The following TMEM63C variants were observed in gnomAD, a reference collection of about 807,000 sequenced individuals.
The protein encoded by TMEM63C is osmosensitive cation channel TMEM63C.
A neutral mutation model predicts 99.2 loss-of-function variants in TMEM63C; 32 were observed. The ratio of observed to expected loss-of-function variants is 0.32; its 90% CI spans 0.24 to 0.43. TMEM63C has a LOEUF of 0.43. Among genes scored for constraint, TMEM63C ranks in the 20% least tolerant of loss-of-function variants. The pLI is 1.00. For synonymous variants in TMEM63C, 376 were observed against 397.9 expected, an observed-to-expected ratio of 0.94 and a Z score of 0.66; for missense variants, 826 against 1,053.0, an observed-to-expected ratio of 0.78 and a Z score of 2.98.
intron 21 of TMEM63C, among the ~76,000 whole-genome samples, chr14:77,250,060 T>C (rs1190015469): frequency 6.6e-6 from 1 of 152,138 alleles, no homozygotes; most frequent in Non-Finnish European, 1.5e-5. Context: ...GTCTGGAATT[T>C]CTGGGCTAAA....
intron 1 of TMEM63C, among the ~76,000 whole-genome samples, chr14:77,200,323 C>T (rs922807350): frequency 3.3e-5 from 5 of 152,220 alleles, no homozygotes; most frequent in African/African-American, 7.2e-5. Flanking sequence ...GGATCCACCA[C>T]GAGTCATGGA....
intron 23 of TMEM63C, 113 bp downstream of exon 23, chr14:77,253,489 G>A (rs1889408095): frequency 4.6e-6 from 5 of 1,085,106 alleles, no homozygotes; most frequent in Non-Finnish European, 6.8e-6. Context: ...TATGGGGAAG[G>A]AGATGGGGGA....
chr14:77,251,987 C>T (rs887399074), intron 22 of TMEM63C, 89 bp downstream of exon 22: 5 of 1,064,514 alleles, frequency 4.7e-6, no homozygotes, highest in Non-Finnish European at 7.3e-6. Context: ...GCTCCCATAG[C>T]ACCACAGGAT....
chr14:77,213,661 C>G (rs552515214), intron 2 of TMEM63C, 153 bp downstream of exon 2: 1 of 152,406 alleles, frequency 6.6e-6, no homozygotes, highest in South Asian at 2.1e-4. Flanking sequence ...AGCTCAGATG[C>G]CAGCTCCTTC....
intron 13 of TMEM63C, among the ~76,000 whole-genome samples, chr14:77,241,566 A>G (rs780974761): frequency 2.1e-4 from 32 of 152,116 alleles, no homozygotes; most frequent in Non-Finnish European, 2.9e-4. Context: ...ACCTACCCCA[A>G]CCCTACAAAG....
At chr14:77,232,445 A>G (rs386266) in intron 7 of TMEM63C, among the ~76,000 whole-genome samples, 9,782 of 151,782 alleles carry the variant, frequency 0.064, 405 homozygotes, top group Admixed American at 0.1. Context: ...CCGCCTCCAC[A>G]CCCGGCTAAT....
intron 1 of TMEM63C, among the ~76,000 whole-genome samples, chr14:77,209,022 C>T (rs779630488): frequency 3.3e-5 from 5 of 152,060 alleles, no homozygotes; most frequent in Non-Finnish European, 5.9e-5. Context: ...AGCGGAGGGA[C>T]GTTTGGGGAC....
intron 1 of TMEM63C, among the ~76,000 whole-genome samples, chr14:77,182,666 C>T (rs1315944676): frequency 6.6e-6 from 1 of 152,190 alleles, no homozygotes; most frequent in Non-Finnish European, 1.5e-5. Context: ...CCCATTTCCT[C>T]ATCCCTGAGA....
At chr14:77,233,101 C>T (rs141092144) in intron 7 of TMEM63C, among the ~76,000 whole-genome samples, 7 of 152,286 alleles carry the variant, frequency 4.6e-5, no homozygotes, top group South Asian at 4.2e-4. Flanking sequence ...CTTTTCTGGA[C>T]GTTGCCAGTG....
At chr14:77,231,266 CA>C (rs1888934201) in intron 6 of TMEM63C, among the ~76,000 whole-genome samples, 1 of 152,140 alleles carries the variant, frequency 6.6e-6, no homozygotes, top group Non-Finnish European at 1.5e-5. Flanking sequence ...AGCAACCACT[CA>C]AAATGTTTGA....
chr14:77,240,748 C>A, intron 13 of TMEM63C, 140 bp downstream of exon 13: 1 of 1,125,698 alleles, frequency 8.9e-7, no homozygotes. Context: ...ATCTGGCTCT[C>A]CAGTGGATGA....
At position 77,246,576 on chromosome 14, in the gene TMEM63C, T is replaced by A. The variant is rs374652255; in HGVS notation, c.1536-33T>A. 4 of 1,599,182 alleles carry A rather than the reference T, an allele frequency of 2.5e-6. No homozygotes were observed. In the African/African-American group the frequency reaches 5.4e-5, roughly 21 times the overall value. ...CCTCAGCCTTAGCTCATAGGTTTGC[T>A]AACTAACAGACCTGCCTTGTTTTTG... is the stretch of plus-strand genomic sequence containing the variant. On this transcript the variant is annotated intron_variant, in intron 17 of 23. Transcript: ENST00000298351.
intron 1 of TMEM63C, among the ~76,000 whole-genome samples, chr14:77,199,222 G>GC (rs1888257693): frequency 6.6e-6 from 1 of 152,134 alleles, no homozygotes; most frequent in Non-Finnish European, 1.5e-5. Flanking sequence ...TTCCTGAGAG[G>GC]CCCGGGGGCT....
rs1267250295 is a variant in TMEM63C, at chr14:77,225,451, A to G, written c.340A>G (p.Ile114Val). The G allele has an allele frequency of 1.2e-6, 2 of 1,613,410 alleles. No homozygotes were observed. The highest frequency in any genetic ancestry group is 1.7e-6 in the Non-Finnish European group (2 of 1,179,690). ...ATTCTGTTCCTGGTTCTTCAACAGC[A>G]TAACAATGAAGTAAGTGCCCGGGCT... ...KGFCSWFFNS[I>V]TMKDEDLINK... Residue 114 changes from isoleucine (I) to valine (V), a missense_variant, in exon 6 of 24, where the codon ATA becomes GTA. Physicochemically the swap from Ile to Val is conservative, Grantham distance 29 (BLOSUM62 3). Coordinates refer to ENST00000298351, the MANE Select transcript of TMEM63C (RefSeq NM_020431.4).
chr14:77,238,821 C>G, intron 10 of TMEM63C, 54 bp downstream of exon 10: 1 of 1,444,112 alleles, frequency 6.9e-7, no homozygotes. Flanking sequence ...CATAACCCCG[C>G]CTGGGTCCTC....
chr14:77,214,858 C>T (rs1052986332), intron 2 of TMEM63C, among the ~76,000 whole-genome samples: 2 of 151,710 alleles, frequency 1.3e-5, no homozygotes, highest in Non-Finnish European at 1.5e-5. Context: ...ACTCCCTCTG[C>T]TCTACACTTA....
rs751550335 is a variant in TMEM63C at position 77,249,408 on chromosome 14, C to T, written c.1988C>T (p.Ala663Val). The change falls in exon 21 of 24, where the codon GCG becomes GTG. Residue 663 changes from alanine (A) to valine (V), a missense_variant. Ala to Val is a moderately conservative substitution (Grantham distance 64). Coordinates refer to ENST00000298351, the MANE Select transcript of TMEM63C (RefSeq NM_020431.4). ...GCTGCCGTCTCCCAGGCCATCTTTGCGCCACTCTTGGGTCTGTTCTGGATG... is the reference window on the plus strand; with the variant it reads ...GCTGCCGTCTCCCAGGCCATCTTTGTGCCACTCTTGGGTCTGTTCTGGATG... ...HMAAVSQAIF[A>V]PLLGLFWMLF... The T allele has an allele frequency of 8.7e-6, 14 of 1,613,932 alleles. No individual in the cohort carries two copies. The highest frequency in any genetic ancestry group is 1.7e-5 in the Admixed American group (1 of 59,998).
intron 1 of TMEM63C, among the ~76,000 whole-genome samples, chr14:77,183,257 A>T (rs192628785): frequency 6.6e-6 from 1 of 152,280 alleles, no homozygotes; most frequent in Non-Finnish European, 1.5e-5. Context: ...GGCAGACTGG[A>T]GGGGCCTCTT....
chr14:77,195,725 A>T (rs924917501), intron 1 of TMEM63C, among the ~76,000 whole-genome samples: 2 of 152,330 alleles, frequency 1.3e-5, no homozygotes, highest in African/African-American at 4.8e-5. Context: ...GGGAAGTGAC[A>T]GAGCTGGTGC....
Sources: gnomAD v4.1 joint callset for allele counts (sites outside exome capture counted in the v4.1 genomes callset) on GRCh38, gnomAD v4.1.1 for gene constraint, MANE v1.5 for transcripts, NCBI Gene and HGNC (gene_info 2026-07-23, HGNC 2026-07-21) for gene names.